ANO4: variants seen among roughly 807,000 people sequenced by gnomAD.
ANO4 encodes the protein anoctamin-4.
ANO4 carries 69 observed loss-of-function variants against 141.9 expected under a neutral mutation model. The ratio of observed to expected loss-of-function variants is 0.49; its 90% CI spans 0.40 to 0.59. The LOEUF (loss-of-function observed/expected upper bound fraction) is 0.59. Among genes scored for constraint, ANO4 ranks in the 20% least tolerant of loss-of-function variants. ANO4 has a pLI of 0.00. For missense variants in ANO4, 894 were observed against 1,162.2 expected (o/e 0.77, Z 3.36); for synonymous variants, 350 against 394.3 (o/e 0.89, Z 1.33).
At chr12:101,076,150 C>A (rs545668050) in intron 14 of ANO4, among the ~76,000 whole-genome samples, 126 of 152,272 alleles carry the variant, frequency 8.3e-4, no homozygotes, top group Non-Finnish European at 1.3e-3. Context: ...CCCCCAAATT[C>A]ATATGTTGAA....
intron 22 of ANO4, among the ~76,000 whole-genome samples, chr12:101,104,896 T>C (rs912884679): frequency 6.6e-6 from 1 of 152,000 alleles, no homozygotes; most frequent in Admixed American, 6.6e-5. Context: ...ATTTGTCTTA[T>C]TCTATTTTTA....
At chr12:100,726,960 A>ACCCCCCCCCC (rs535734069) in intron 1 of ANO4, among the ~76,000 whole-genome samples, 1 of 141,704 alleles carries the variant, frequency 7.1e-6, no homozygotes, top group South Asian at 2.4e-4. Flanking sequence ...TTGCCCCGGG[A>ACCCCCCCCCC]CCCCCCCCGC....
chr12:100,765,578 T>C (rs1393955829), intron 3 of ANO4, among the ~76,000 whole-genome samples: 1 of 151,486 alleles, frequency 6.6e-6, no homozygotes, highest in East Asian at 1.9e-4. Context: ...AGAGACAAGG[T>C]CTTGCCAGGC....
rs71091478 is a variant in ANO4 at position 101,121,753 on chromosome 12, C to CTT, written c.2676+1154_2676+1155dup. Among the ~76,000 whole-genome samples, 91 of 110,406 alleles carry CTT rather than the reference C, an allele frequency of 8.2e-4. 1 individual carries two copies. The highest frequency in any genetic ancestry group is 3.5e-3 in the African/African-American group (87 of 24,618). 72.4% of individuals were successfully genotyped at this position (110,406 alleles called of 152,430 possible). On this transcript the variant is annotated intron_variant, in intron 26 of 27. Coordinates refer to ENST00000392977, the MANE Select transcript of ANO4 (RefSeq NM_001286615.2). ...TCGCCAGCATCTGTTAATTTGTTTA[C>CTT]TTTTTTTTTTTTTTTTTTTTTTTTT...
At chr12:100,850,947 TATAAC>T (rs1255570652) in intron 1 of ANO4, among the ~76,000 whole-genome samples, 2 of 152,286 alleles carry the variant, frequency 1.3e-5, no homozygotes, top group African/African-American at 2.4e-5. Flanking sequence ...ATATTATGCA[TATAAC>T]ATAACATATT....
intron 1 of ANO4, among the ~76,000 whole-genome samples, chr12:100,857,174 A>G (rs1359712390): frequency 2.0e-5 from 3 of 152,262 alleles, no homozygotes; most frequent in Non-Finnish European, 4.4e-5. Context: ...GCCAGAGGCC[A>G]TGCACATTGT....
chr12:100,785,594 T>C (rs577287516), intron 3 of ANO4, among the ~76,000 whole-genome samples: 1 of 152,358 alleles, frequency 6.6e-6, no homozygotes, highest in African/African-American at 2.4e-5. Context: ...ATTTTAGTGC[T>C]GAATAATATT....
At chr12:101,111,355 A>G (rs1402659497) in intron 23 of ANO4, among the ~76,000 whole-genome samples, 2 of 152,152 alleles carry the variant, frequency 1.3e-5, no homozygotes, top group East Asian at 1.9e-4. Context: ...GATCCTGACT[A>G]TTAAGTCACA....
At chr12:101,013,507 T>C (rs1262915704) in intron 8 of ANO4, among the ~76,000 whole-genome samples, 1 of 152,156 alleles carries the variant, frequency 6.6e-6, no homozygotes, top group African/African-American at 2.4e-5. Flanking sequence ...TCCTGCTTAT[T>C]GTAATCAAGG....
At chr12:100,988,162 G>A (rs1480857982) in intron 8 of ANO4, among the ~76,000 whole-genome samples, 1 of 152,132 alleles carries the variant, frequency 6.6e-6, no homozygotes, top group African/African-American at 2.4e-5. Context: ...ACATCACCTG[G>A]CAGCCCACTT....
rs12319190 is a variant in ANO4, at chr12:100,797,242, C to T, written c.-141+2215C>T. Among the ~76,000 whole-genome samples the T allele has an allele frequency of 2.5e-3, 377 of 149,718 alleles. 1 individual carries two copies. Among genetic ancestry groups the T allele is most frequent in the African/African-American group, 8.7e-3 (353 of 40,728 alleles). ...TGTTGTAGCATGCCCATTTGGAGAA[C>T]AGAAGGAAAATTCCTCAGATATTGC... is the stretch of plus-strand genomic sequence containing the variant. On this transcript the variant is annotated intron_variant, in intron 1 of 27. Coordinates refer to ENST00000392977, the MANE Select transcript of ANO4 (RefSeq NM_001286615.2).
At chr12:101,099,067 G>C (rs1047853933) in intron 21 of ANO4, among the ~76,000 whole-genome samples, 2 of 152,136 alleles carry the variant, frequency 1.3e-5, no homozygotes, top group Non-Finnish European at 2.9e-5. Context: ...AGTCCCTGTG[G>C]AGAGCTCATG....
At chr12:100,966,971 A>G (rs2043697116) in intron 5 of ANO4, among the ~76,000 whole-genome samples, 1 of 151,806 alleles carries the variant, frequency 6.6e-6, no homozygotes, top group African/African-American at 2.4e-5. Flanking sequence ...GTGGCATGGC[A>G]TTTCTCCTGC....
At chr12:100,945,028 C>T (rs570191477) in intron 5 of ANO4, among the ~76,000 whole-genome samples, 1 of 152,220 alleles carries the variant, frequency 6.6e-6, no homozygotes, top group Admixed American at 6.5e-5. Context: ...AAATGAAGAA[C>T]TTAGTTCAGG....
Position 100,840,182 on chromosome 12 carries a change from C to T in ANO4, c.-141+45155C>T, listed in dbSNP as rs1378312394. Among the ~76,000 whole-genome samples, 8 of 152,092 alleles carry T rather than the reference C, an allele frequency of 5.3e-5. No homozygotes were observed. In the South Asian group the frequency reaches 8.3e-4, roughly 16 times the overall value. On this transcript the variant is annotated intron_variant, in intron 1 of 27. Coordinates refer to ENST00000392977, the MANE Select transcript of ANO4 (RefSeq NM_001286615.2). ...ACTGTCTTAGAAAACATTAGTTACCCGTTCTCTTTCCTTCTCAAGGAGGAA... is the reference window on the plus strand; with the variant it reads ...ACTGTCTTAGAAAACATTAGTTACCTGTTCTCTTTCCTTCTCAAGGAGGAA...
At chr12:100,825,781 A>G (rs2036301850) in intron 1 of ANO4, among the ~76,000 whole-genome samples, 1 of 152,090 alleles carries the variant, frequency 6.6e-6, no homozygotes, top group Non-Finnish European at 1.5e-5. Context: ...TCCTGCATAT[A>G]TCTTCAGCTT....
intron 8 of ANO4, among the ~76,000 whole-genome samples, chr12:101,016,406 A>G (rs962421954): frequency 2.6e-5 from 4 of 152,134 alleles, no homozygotes; most frequent in East Asian, 3.9e-4. Context: ...TACCAGAGTG[A>G]GAACTCACTC....
intron 22 of ANO4, 62 bp downstream of exon 22, chr12:101,099,782 C>A (rs1026742150): frequency 7.4e-7 from 1 of 1,351,796 alleles, no homozygotes; most frequent in African/African-American, 1.5e-5. Context: ...GTATATTCAA[C>A]TAAACATATA....
At chr12:100,977,166 G>T (rs1318993373) in intron 7 of ANO4, among the ~76,000 whole-genome samples, 1 of 152,128 alleles carries the variant, frequency 6.6e-6, no homozygotes, top group Non-Finnish European at 1.5e-5. Flanking sequence ...ATTAATACAT[G>T]TAATAATTAA....
Sources: gnomAD v4.1 joint callset for allele counts (sites outside exome capture counted in the v4.1 genomes callset) on GRCh38, gnomAD v4.1.1 for gene constraint, MANE v1.5 for transcripts, NCBI Gene and HGNC (gene_info 2026-07-23, HGNC 2026-07-21) for gene names.